Variants in POLE2 observed in about 807,000 individuals in gnomAD.
The protein encoded by POLE2 is DNA polymerase epsilon subunit 2.
In POLE2, 56 loss-of-function variants were observed where a neutral mutation model predicts 79.4. That is an observed-to-expected ratio of 0.71 (90% confidence interval 0.57 to 0.88). The LOEUF (loss-of-function observed/expected upper bound fraction) is 0.88, where lower values mean the gene tolerates loss of function less well. Among genes scored for constraint, POLE2 ranks in the 40% least tolerant of loss-of-function variants. POLE2 has a pLI of 0.00. For synonymous variants in POLE2, 212 were observed against 214.0 expected (o/e 0.99, Z 0.08); for missense variants, 598 against 638.9 (o/e 0.94, Z 0.69).
chr14:49,678,344 AG>A (rs1396302194), intron 3 of POLE2, among the ~76,000 whole-genome samples: 1 of 151,982 alleles, frequency 6.6e-6, no homozygotes, highest in Non-Finnish European at 1.5e-5. Flanking sequence ...CACCTGGACA[AG>A]GGGCTTTACT....
In POLE2 at chr14:49,672,724, C is replaced by T. The variant is rs908327111; in HGVS notation, c.417+1399G>A. On this transcript the variant is annotated intron_variant, in intron 5 of 18. Transcript: ENST00000216367. ...ATGTTGGTCAGGCTGGTCTCGAAATCCCGACCTCAGGTGATCCACCCACCT... is the reference window on the plus strand; with the variant it reads ...ATGTTGGTCAGGCTGGTCTCGAAATTCCGACCTCAGGTGATCCACCCACCT... Among the ~76,000 whole-genome samples, 74 of 152,232 alleles carry T rather than the reference C, an allele frequency of 4.9e-4. 1 individual carries two copies. The highest frequency in any genetic ancestry group is 4.8e-3 in the Admixed American group (74 of 15,282).
At chr14:49,654,451 T>C in intron 13 of POLE2, 1 of 473,534 alleles carries the variant, frequency 2.1e-6, no homozygotes, top group Non-Finnish European at 3.7e-6. Flanking sequence ...GCATAGCTGA[T>C]GGACTGAATT....
Position 49,661,177 on chromosome 14 carries a change from T to C in POLE2, c.755+2138A>G, listed in dbSNP as rs183618765. ...CTCAAGCGATCCACCCACCTCAGCC[T>C]CCCAAATCGACACTTCTTAACCTAA... On this transcript the variant is annotated intron_variant, in intron 10 of 18. Coordinates refer to ENST00000216367, the MANE Select transcript of POLE2 (RefSeq NM_002692.4). 4.2e-3 allele frequency among the ~76,000 whole-genome samples: 633 copies of C among 151,950 alleles called. 4 individuals are homozygous for C. Among genetic ancestry groups the C allele is most frequent in the African/African-American group, 0.015 (605 of 41,398 alleles).
In POLE2 at chr14:49,688,189, C is replaced by T; in HGVS notation, c.15G>A (p.Arg5=). Residue 5 remains arginine, a synonymous_variant, in exon 1 of 19, where the codon CGG becomes CGA. Transcript: ENST00000216367. MAPE[R]LRSRALSAFK... ...AGGCGGAGAGCGCCCGGCTCCGCAG[C>T]CGCTCCGGCGCCATATTTGCGATTT... The T allele has an allele frequency of 1.3e-6, 2 of 1,535,896 alleles. No homozygotes were observed. The highest frequency in any genetic ancestry group is 8.7e-7 in the Non-Finnish European group (1 of 1,142,994).
At chr14:49,682,196 G>T (rs1886764151) in intron 2 of POLE2, among the ~76,000 whole-genome samples, 1 of 150,614 alleles carries the variant, frequency 6.6e-6, no homozygotes, top group South Asian at 2.1e-4. Context: ...GTAGAGACAG[G>T]GTTTGCCATG....
At chr14:49,657,156 G>A (rs891404370) in intron 10 of POLE2, among the ~76,000 whole-genome samples, 5 of 151,674 alleles carry the variant, frequency 3.3e-5, no homozygotes, top group African/African-American at 4.8e-5. Flanking sequence ...GTAATTGGGC[G>A]ATTGTTTCAT....
chr14:49,675,405 G>A (rs1309044343), intron 3 of POLE2, among the ~76,000 whole-genome samples: 1 of 151,382 alleles, frequency 6.6e-6, no homozygotes, highest in African/African-American at 2.4e-5. Context: ...TATTATTAAA[G>A]GATATGATTA....
chr14:49,676,508 T>C (rs1886285237), intron 3 of POLE2, among the ~76,000 whole-genome samples: 1 of 152,246 alleles, frequency 6.6e-6, no homozygotes, highest in African/African-American at 2.4e-5. Context: ...TGGTATGATA[T>C]AATGACTCTC....
At chr14:49,657,764 T>C (rs1188401995) in intron 10 of POLE2, among the ~76,000 whole-genome samples, 1 of 151,992 alleles carries the variant, frequency 6.6e-6, no homozygotes, top group Non-Finnish European at 1.5e-5. Context: ...ATTAGTGATA[T>C]TATGTTCTAT....
At chr14:49,681,232 A>C (rs545792198) in intron 2 of POLE2, 30 of 199,620 alleles carry the variant, frequency 1.5e-4, no homozygotes, top group African/African-American at 6.2e-4. Flanking sequence ...TTGTGGTATT[A>C]AGTATTTAAC....
At chr14:49,644,021 A>C (rs1362907290) in intron 18 of POLE2, among the ~76,000 whole-genome samples, 2 of 150,610 alleles carry the variant, frequency 1.3e-5, no homozygotes, top group African/African-American at 4.9e-5. Flanking sequence ...CTGAGATTAT[A>C]GGCACTTGCC....
intron 6 of POLE2, among the ~76,000 whole-genome samples, chr14:49,667,136 C>T (rs796865209): frequency 4.0e-5 from 6 of 151,630 alleles, no homozygotes; most frequent in African/African-American, 1.2e-4. Flanking sequence ...TGCAGTAAGC[C>T]GAGATCGCCT....
intron 1 of POLE2, among the ~76,000 whole-genome samples, chr14:49,684,072 C>G (rs921617394): frequency 6.6e-6 from 1 of 152,136 alleles, no homozygotes; most frequent in Non-Finnish European, 1.5e-5. Flanking sequence ...TGTCAAGCAC[C>G]ATATCCTGAA....
At position 49,647,296 on chromosome 14, in the gene POLE2, T is replaced by A; in HGVS notation, c.1562A>T (p.Asp521Val). 6.7e-7 allele frequency: 1 copy of A among 1,502,572 alleles called. No individual in the cohort carries two copies. The highest frequency in any genetic ancestry group is 1.2e-5 in the South Asian group (1 of 84,126). The allele number at this position is 1,502,572 out of a possible 1,614,324, so 93.1% of individuals were successfully genotyped here. Residue 521 changes from aspartate (D) to valine (V), a missense_variant, in exon 18 of 19, where the codon GAT (aspartate) becomes GTT (valine). Physicochemically the swap from Asp to Val is radical, Grantham distance 152 (BLOSUM62 -3). Transcript: ENST00000216367. ...CTGTGTCTGTGCACACACTTACCTA[T>A]CTTCTACTGTCTTATTAGAAGGATA... ...VFYPSNKTVE[D>V]SKLQGF
At chr14:49,683,775 A>G in intron 1 of POLE2, 82 bp from the exon 2 acceptor site, 2 of 668,502 alleles carry the variant, frequency 3.0e-6, no homozygotes, top group Non-Finnish European at 5.3e-6. Flanking sequence ...GCAAATACTC[A>G]TCAATCTGGC....
chr14:49,678,695 C>T (rs1041214288), intron 3 of POLE2, among the ~76,000 whole-genome samples: 2 of 152,050 alleles, frequency 1.3e-5, no homozygotes, highest in South Asian at 2.1e-4. Context: ...CTCACTCTGT[C>T]GCCCAGACTA....
intron 6 of POLE2, among the ~76,000 whole-genome samples, chr14:49,667,552 C>CTTT (rs34430638): frequency 5.7e-5 from 8 of 141,432 alleles, no homozygotes; most frequent in South Asian, 4.5e-4. Flanking sequence ...CAGATAGAAA[C>CTTT]TTTTTTTTTT....
rs905303518 is a variant in POLE2 at position 49,654,271 on chromosome 14, G to A, written c.1074-57C>T. Reference sequence around the variant, plus strand: ...AATATTATTGTAACACTATCCAATAGCTTAAAAGCAAGTTATTCCCTTTGT... The same window carrying A: ...AATATTATTGTAACACTATCCAATAACTTAAAAGCAAGTTATTCCCTTTGT... On this transcript the variant is annotated intron_variant, in intron 13 of 18. Transcript: ENST00000216367. 6 of 1,131,020 alleles carry A rather than the reference G, an allele frequency of 5.3e-6. No homozygotes were observed. In the African/African-American group the frequency reaches 9.4e-5, roughly 18 times the overall value. The allele number at this position is 1,131,020 out of a possible 1,614,324, so 70.1% of individuals were successfully genotyped here. A position where few individuals can be genotyped will look rare whatever the true frequency, so the allele number is the denominator to read the frequency against.
At chr14:49,668,073 A>C (rs1263944368) in intron 6 of POLE2, among the ~76,000 whole-genome samples, 1 of 152,162 alleles carries the variant, frequency 6.6e-6, no homozygotes, top group Non-Finnish European at 1.5e-5. Context: ...GGAGTTCAAG[A>C]CCAGCCTGGC....
Sources: gnomAD v4.1 joint callset for allele counts (sites outside exome capture counted in the v4.1 genomes callset) on GRCh38, gnomAD v4.1.1 for gene constraint, MANE v1.5 for transcripts, NCBI Gene and HGNC (gene_info 2026-07-23, HGNC 2026-07-21) for gene names.